PLD5: variants seen among roughly 807,000 people sequenced by gnomAD.
The protein encoded by PLD5 is inactive phospholipase D5.
In PLD5, 36 loss-of-function variants were observed where a neutral mutation model predicts 61.1. That is an observed-to-expected ratio of 0.59 (90% CI 0.45 to 0.78). PLD5 has a LOEUF of 0.78. PLD5 is among the 30% of genes least tolerant of loss of function. The pLI, the probability that PLD5 is intolerant of heterozygous loss-of-function variation, is 0.00. For missense variants in PLD5, 515 were observed against 644.4 expected, an observed-to-expected ratio of 0.80 and a Z score of 2.17; for synonymous variants, 243 against 242.8, an observed-to-expected ratio of 1.00 and a Z score of -0.01.
upstream of PLD5, among the ~76,000 whole-genome samples, chr1:242,528,103 A>G (rs1215297144): frequency 6.6e-6 from 1 of 152,230 alleles, no homozygotes; most frequent in East Asian, 1.9e-4. Context: ...CTTTATTTTG[A>G]AAAACACTGG....
At chr1:242,243,953 T>C (rs2149068460) in intron 4 of PLD5, among the ~76,000 whole-genome samples, 1 of 152,320 alleles carries the variant, frequency 6.6e-6, no homozygotes, top group Non-Finnish European at 1.5e-5. Context: ...TAGCAGCTGG[T>C]ATTCCCATTT....
chr1:242,438,957 AC>A (rs5782237), intron 1 of PLD5, among the ~76,000 whole-genome samples: 49,791 of 151,804 alleles, frequency 0.33, 8,734 homozygotes, highest in Non-Finnish European at 0.39. Flanking sequence ...TACTCTTATC[AC>A]CCTGTTAATT....
chr1:242,390,351 G>T (rs1247158229), intron 1 of PLD5, among the ~76,000 whole-genome samples: 1 of 152,144 alleles, frequency 6.6e-6, no homozygotes, highest in Non-Finnish European at 1.5e-5. Context: ...GTCAACTGAA[G>T]CAGAGAGAAA....
intron 5 of PLD5, among the ~76,000 whole-genome samples, chr1:242,211,823 G>A (rs968493427): frequency 1.3e-5 from 2 of 152,178 alleles, no homozygotes; most frequent in African/African-American, 4.8e-5. Flanking sequence ...TTTCATCACA[G>A]GACAACAGTT....
rs145616592 is a variant in PLD5, at chr1:242,206,288, C to T, written c.735+13700G>A. 3.7e-3 allele frequency among the ~76,000 whole-genome samples: 565 copies of T among 152,330 alleles called. 7 individuals carry two copies. The highest frequency in any genetic ancestry group is 0.012 in the African/African-American group (515 of 41,576). On this transcript the variant is annotated intron_variant, in intron 5 of 9. Transcript: ENST00000536534. ...GGCGGAAAGTGCTGCCGCCTACTCC[C>T]TCTGGCTGAGTTCTTACAGCCCATC... is the stretch of plus-strand genomic sequence containing the variant.
chr1:242,204,604 G>C (rs531253493), intron 5 of PLD5, among the ~76,000 whole-genome samples: 1 of 152,236 alleles, frequency 6.6e-6, no homozygotes, highest in South Asian at 2.1e-4. Flanking sequence ...AAGGAAGAAG[G>C]TTTCCTAGTC....
chr1:242,387,852 T>C (rs938678255), intron 1 of PLD5, among the ~76,000 whole-genome samples: 3 of 152,044 alleles, frequency 2.0e-5, no homozygotes, highest in African/African-American at 7.2e-5. Flanking sequence ...ACGTTCATTA[T>C]AAAGGAAAAC....
intron 2 of PLD5, among the ~76,000 whole-genome samples, chr1:242,332,037 G>A (rs1200078132): frequency 6.6e-6 from 1 of 151,582 alleles, no homozygotes; most frequent in East Asian, 1.9e-4. Flanking sequence ...CCCTCCCCTA[G>A]CCTCCCACCC....
At chr1:242,366,087 A>G (rs987249084) in intron 1 of PLD5, among the ~76,000 whole-genome samples, 2 of 152,228 alleles carry the variant, frequency 1.3e-5, no homozygotes, top group South Asian at 4.1e-4. Context: ...AATTCATTCT[A>G]TGAGGTCAGC....
rs144814738 is a variant in PLD5, at chr1:242,165,597, A to C, written c.736-40932T>G. On this transcript the variant is annotated intron_variant, in intron 5 of 9. Coordinates refer to ENST00000536534, the MANE Select transcript of PLD5 (RefSeq NM_001372062.1). Reference sequence around the variant, plus strand: ...CTATTCTGACTGATAGGTGTGATTAAGGAAAAGATAAAAGCTGATGCTATT... The same window carrying C: ...CTATTCTGACTGATAGGTGTGATTACGGAAAAGATAAAAGCTGATGCTATT... 9.9e-4 allele frequency among the ~76,000 whole-genome samples: 151 copies of C among 152,336 alleles called. 1 individual carries two copies. The East Asian group carries it at 0.023, about 23-fold the overall frequency.
rs1056215329 is a variant in PLD5, at chr1:242,083,865, G to C, written c.*5989C>G. On this transcript the variant is annotated 3_prime_UTR_variant, in exon 10 of 10. Transcript: ENST00000536534. Reference sequence around the variant, plus strand: ...GAATTGAGGTCATATTTCCAAGATTGGTTGTGCATTTGTGTGGGAAAACTC... The same window carrying C: ...GAATTGAGGTCATATTTCCAAGATTCGTTGTGCATTTGTGTGGGAAAACTC... 1 of 149,544 alleles carries C rather than the reference G, an allele frequency of 6.7e-6. No individual in the cohort carries two copies. The highest frequency in any genetic ancestry group is 2.6e-5 in the African/African-American group (1 of 38,934). The allele number at this position is 149,544 out of a possible 1,614,324, so 9.3% of individuals were successfully genotyped here.
chr1:242,170,274 G>C (rs1303457785), intron 5 of PLD5, among the ~76,000 whole-genome samples: 1 of 152,208 alleles, frequency 6.6e-6, no homozygotes, highest in Non-Finnish European at 1.5e-5. Context: ...GCCTCCGCTA[G>C]TGATAACCTA....
chr1:242,117,884 C>G (rs1662072169), intron 6 of PLD5, among the ~76,000 whole-genome samples: 1 of 152,144 alleles, frequency 6.6e-6, no homozygotes, highest in Non-Finnish European at 1.5e-5. Context: ...CATGTTGGCT[C>G]TGCTTTAAAG....
At chr1:242,174,218 C>A (rs1666964598) in intron 5 of PLD5, among the ~76,000 whole-genome samples, 1 of 149,578 alleles carries the variant, frequency 6.7e-6, no homozygotes. Context: ...AACAAACAAC[C>A]CCATCAAAAA....
intron 5 of PLD5, among the ~76,000 whole-genome samples, chr1:242,208,572 G>A (rs904467486): frequency 6.6e-6 from 1 of 152,148 alleles, no homozygotes; most frequent in Admixed American, 6.5e-5. Context: ...ATAATTTCTA[G>A]TTCCGAGATT....
chr1:242,362,310 G>C (rs10926699), intron 1 of PLD5, among the ~76,000 whole-genome samples: 125,863 of 152,028 alleles, frequency 0.83, 53,099 homozygotes, highest in South Asian at 0.9. Context: ...GAGACAGTCT[G>C]GGTATTTAAT....
At chr1:242,138,999 C>T (rs1663959516) in intron 5 of PLD5, among the ~76,000 whole-genome samples, 1 of 152,122 alleles carries the variant, frequency 6.6e-6, no homozygotes, top group Non-Finnish European at 1.5e-5. Flanking sequence ...AGTCTTAGGA[C>T]CTACTGTCAA....
chr1:242,283,947 T>A (rs1394972385), intron 3 of PLD5, among the ~76,000 whole-genome samples: 1 of 151,988 alleles, frequency 6.6e-6, no homozygotes, highest in Non-Finnish European at 1.5e-5. Flanking sequence ...GTGATTTTTA[T>A]CTGCAAAGAA....
At chr1:242,357,653 T>C (rs1205569459) in intron 1 of PLD5, among the ~76,000 whole-genome samples, 1 of 151,984 alleles carries the variant, frequency 6.6e-6, no homozygotes, top group African/African-American at 2.4e-5. Context: ...ACCTGGCTAA[T>C]TTTTTGTATT....
Sources: allele counts gnomAD v4.1 joint callset (sites outside exome capture counted in the v4.1 genomes callset), GRCh38; gene constraint gnomAD v4.1.1; transcripts MANE v1.5; gene names NCBI Gene and HGNC (gene_info 2026-07-23, HGNC 2026-07-21).